ABITRAM: variants seen among roughly 807,000 people sequenced by gnomAD.
ABITRAM encodes the protein actin binding transcription modulator.
In ABITRAM, 19 loss-of-function variants were observed where a neutral mutation model predicts 22.9. The ratio of observed to expected loss-of-function variants is 0.83; its 90% confidence interval spans 0.58 to 1.22. The LOEUF is 1.22. ABITRAM is among the 50% of genes most tolerant of loss of function. The probability of loss-of-function intolerance (pLI) is 0.00; values close to 1 mark genes in which losing one functional copy is unlikely to be tolerated. For missense variants in ABITRAM, 215 were observed against 220.2 expected, an observed-to-expected ratio of 0.98 and a Z score of 0.15; for synonymous variants, 70 against 73.9, an observed-to-expected ratio of 0.95 and a Z score of 0.27.
chr9:108,947,628 A>T (rs1298965077), intron 3 of ABITRAM, among the ~76,000 whole-genome samples: 1 of 152,170 alleles, frequency 6.6e-6, no homozygotes, highest in Non-Finnish European at 1.5e-5. Context: ...AGAATTACAG[A>T]TGGGCCTATG....
intron 2 of ABITRAM, 100 bp downstream of exon 2, chr9:108,935,789 A>C: frequency 1.4e-6 from 1 of 735,490 alleles, no homozygotes; most frequent in Non-Finnish European, 2.3e-6. Context: ...TGTTCACTAA[A>C]CAAACATGCA....
At chr9:108,938,234 T>A (rs1172377864) in intron 3 of ABITRAM, among the ~76,000 whole-genome samples, 1 of 152,206 alleles carries the variant, frequency 6.6e-6, no homozygotes. Context: ...AAAGTCACAA[T>A]GACTCTAGTA....
chr9:108,934,977 G>A, intron 1 of ABITRAM, among the ~76,000 whole-genome samples: 1 of 152,166 alleles, frequency 6.6e-6, no homozygotes, highest in Non-Finnish European at 1.5e-5. Context: ...TAGGGATGGC[G>A]AGAAGAGGGT....
At chr9:108,937,489 T>G (rs1440411526) in intron 3 of ABITRAM, among the ~76,000 whole-genome samples, 2 of 152,216 alleles carry the variant, frequency 1.3e-5, no homozygotes, top group East Asian at 3.9e-4. Context: ...CTCTCACTAT[T>G]CTAGGAGACC....
downstream of ABITRAM, chr9:108,943,699 T>C (rs1431851244): frequency 1.2e-6 from 2 of 1,606,052 alleles, no homozygotes; most frequent in Non-Finnish European, 1.7e-6. Flanking sequence ...TATGTCTCTT[T>C]TACCTTTAGA....
intron 3 of ABITRAM, among the ~76,000 whole-genome samples, chr9:108,948,625 A>C (rs552979788): frequency 1.3e-5 from 2 of 152,304 alleles, no homozygotes; most frequent in African/African-American, 2.4e-5. Flanking sequence ...TTCACTTCTA[A>C]TTCTTATTTC....
At chr9:108,944,917 C>G (rs1471238522), downstream of ABITRAM, among the ~76,000 whole-genome samples, 6 of 152,226 alleles carry the variant, frequency 3.9e-5, no homozygotes, top group Admixed American at 1.3e-4. Context: ...TTGCAACCTT[C>G]CCTTTAAAAG....
downstream of ABITRAM, among the ~76,000 whole-genome samples, chr9:108,944,608 T>A (rs1830346717): frequency 1.3e-5 from 2 of 152,172 alleles, no homozygotes; most frequent in Admixed American, 1.3e-4. Context: ...AAAAGAAGGT[T>A]GTACAGGTAA....
At chr9:108,947,174 C>T (rs996331447) in intron 3 of ABITRAM, among the ~76,000 whole-genome samples, 4 of 145,848 alleles carry the variant, frequency 2.7e-5, no homozygotes, top group Non-Finnish European at 6.0e-5. Flanking sequence ...AGTGCAGTGG[C>T]GTGATCTCAG....
chr9:108,943,731 G>A (rs1830315471), downstream of ABITRAM: 1 of 1,613,032 alleles, frequency 6.2e-7, no homozygotes, highest in East Asian at 2.2e-5. Context: ...CTGCAAAGAA[G>A]TCTTAGTTAC....
At chr9:108,943,807 C>T (rs866167967), downstream of ABITRAM, 6 of 1,613,154 alleles carry the variant, frequency 3.7e-6, no homozygotes, top group African/African-American at 1.3e-5. Context: ...AGCTTGTCAT[C>T]GTCTTTCAGC....
chr9:108,935,736 G>C, intron 2 of ABITRAM, 47 bp downstream of exon 2: 1 of 1,314,838 alleles, frequency 7.6e-7, no homozygotes, highest in Non-Finnish European at 1.1e-6. Flanking sequence ...TTTTTTCCTG[G>C]TATTGTAGCC....
chr9:108,942,582 A>G (rs1191222363), downstream of ABITRAM: 2 of 571,308 alleles, frequency 3.5e-6, no homozygotes, highest in Non-Finnish European at 6.2e-6. Flanking sequence ...GAATCTAGCA[A>G]TTACCAAGAC....
intron 3 of ABITRAM, 92 bp downstream of exon 3, chr9:108,936,529 G>A: frequency 7.2e-7 from 1 of 1,381,096 alleles, no homozygotes; most frequent in Non-Finnish European, 9.9e-7. Context: ...AGTAGCATAT[G>A]CTTAGCATAC....
chr9:108,943,192 T>G (rs992472868), downstream of ABITRAM: 19 of 725,890 alleles, frequency 2.6e-5, no homozygotes, highest in Non-Finnish European at 3.8e-5. Flanking sequence ...ATGAGCTGAC[T>G]CAAAGCCCCA....
At chr9:108,947,304 A>G (rs1830436379) in intron 3 of ABITRAM, among the ~76,000 whole-genome samples, 1 of 152,070 alleles carries the variant, frequency 6.6e-6, no homozygotes, top group South Asian at 2.1e-4. Context: ...TAGTGGAGAC[A>G]GGGTTCCACC....
exon 4 of ABITRAM, chr9:108,950,642 C>A: frequency 6.5e-7 from 1 of 1,543,792 alleles, no homozygotes; most frequent in Non-Finnish European, 8.7e-7. Context: ...TCCCTCACTT[C>A]TGTCTGCTGC....
chr9:108,943,476 CTGTTCAGTGCTATGGAATTAA>C (rs1448379654), downstream of ABITRAM, among the ~76,000 whole-genome samples: 19 of 152,114 alleles, frequency 1.2e-4, no homozygotes, highest in Non-Finnish European at 2.2e-4. Flanking sequence ...TGAAGGGCAG[CTGTTCAGTGCTATGGAATTAA>C]TGATGTCCAA....
chr9:108,950,240 A>G (rs1220480361), intron 3 of ABITRAM, among the ~76,000 whole-genome samples: 1 of 152,204 alleles, frequency 6.6e-6, no homozygotes, highest in East Asian at 1.9e-4. Context: ...GTGCAAATTT[A>G]TTGTGGGTAA....
Sources: gnomAD v4.1 joint callset for allele counts (sites outside exome capture counted in the v4.1 genomes callset) on GRCh38, gnomAD v4.1.1 for gene constraint, MANE v1.5 for transcripts, NCBI Gene and HGNC (gene_info 2026-07-23, HGNC 2026-07-21) for gene names.